The following ROBO2 variants were observed in gnomAD, a reference collection of about 807,000 sequenced individuals.
The protein encoded by ROBO2 is roundabout guidance receptor 2, also known as roundabout homolog 2.
Under a neutral mutation model 160.8 loss-of-function variants are expected in ROBO2, and 53 were observed. The ratio of observed to expected loss-of-function variants is 0.33; its 90% CI spans 0.26 to 0.41. The LOEUF (loss-of-function observed/expected upper bound fraction) is 0.41, where lower values mean the gene tolerates loss of function less well. ROBO2 is among the 10% of genes least tolerant of loss of function. The probability of loss-of-function intolerance (pLI) is 1.00; values close to 1 mark genes in which losing one functional copy is unlikely to be tolerated. For synonymous variants in ROBO2, 664 were observed against 611.7 expected (o/e 1.09, Z -1.26); for missense variants, 1,577 against 1,722.4 (o/e 0.92, Z 1.49).
At chr3:76,262,061 G>A (rs1706804170) in intron 2 of ROBO2, among the ~76,000 whole-genome samples, 1 of 152,088 alleles carries the variant, frequency 6.6e-6, no homozygotes, top group Admixed American at 6.6e-5. Context: ...GTGGTGGAAG[G>A]TGAATTGTCA....
chr3:77,274,092 G>A (rs1035606178), intron 2 of ROBO2, among the ~76,000 whole-genome samples: 1 of 151,798 alleles, frequency 6.6e-6, no homozygotes, highest in Non-Finnish European at 1.5e-5. Context: ...GACTTTACCT[G>A]TAGTTACTAG....
At chr3:76,062,372 G>T (rs1313745786) in intron 2 of ROBO2, among the ~76,000 whole-genome samples, 1 of 151,882 alleles carries the variant, frequency 6.6e-6, no homozygotes, top group East Asian at 1.9e-4. Flanking sequence ...GTTATGTGCT[G>T]TCCGACTACT....
intron 2 of ROBO2, among the ~76,000 whole-genome samples, chr3:76,268,920 C>A (rs1228671568): frequency 2.6e-5 from 4 of 152,108 alleles, no homozygotes. Flanking sequence ...CTTACTCCCA[C>A]ACACTATTTT....
At chr3:77,514,088 T>G (rs994888020) in intron 5 of ROBO2, among the ~76,000 whole-genome samples, 2 of 151,728 alleles carry the variant, frequency 1.3e-5, no homozygotes, top group Non-Finnish European at 2.9e-5. Context: ...CAATGATACC[T>G]TCTACATTGA....
intron 2 of ROBO2, among the ~76,000 whole-genome samples, chr3:76,580,342 G>GTTTTTTTTTTTTTTTTT (rs71101901): frequency 2.2e-5 from 2 of 90,560 alleles, no homozygotes; most frequent in Non-Finnish European, 4.1e-5. Flanking sequence ...TTTTTTTTGT[G>GTTTTTTTTTTTTTTTTT]TTTTTTTTTT....
chr3:76,679,569 A>G (rs1187587119), intron 2 of ROBO2, among the ~76,000 whole-genome samples: 1 of 152,154 alleles, frequency 6.6e-6, no homozygotes, highest in South Asian at 2.1e-4. Flanking sequence ...CTTGGAACCT[A>G]AATTTGGAAG....
chr3:76,563,280 C>A (rs2084312458), intron 2 of ROBO2, among the ~76,000 whole-genome samples: 1 of 152,104 alleles, frequency 6.6e-6, no homozygotes, highest in South Asian at 2.1e-4. Context: ...CTTAAGTAAT[C>A]TGTTTTAATA....
chr3:77,152,449 A>G (rs2077625931), intron 2 of ROBO2, among the ~76,000 whole-genome samples: 1 of 152,190 alleles, frequency 6.6e-6, no homozygotes, highest in Non-Finnish European at 1.5e-5. Flanking sequence ...AGCACATTTA[A>G]TTCTAACTAG....
chr3:77,215,789 T>C (rs1051030359), intron 2 of ROBO2, among the ~76,000 whole-genome samples: 1 of 152,162 alleles, frequency 6.6e-6, no homozygotes, highest in South Asian at 2.1e-4. Context: ...TGTTAGTTTT[T>C]CTTCTAACAG....
chr3:76,386,998 A>G (rs183865424), intron 2 of ROBO2, among the ~76,000 whole-genome samples: 1 of 152,288 alleles, frequency 6.6e-6, no homozygotes, highest in Admixed American at 6.5e-5. Context: ...AGGCTGAATA[A>G]TTTTATATGA....
chr3:75,987,999 T>C (rs929086748), intron 2 of ROBO2, among the ~76,000 whole-genome samples: 4 of 150,422 alleles, frequency 2.7e-5, no homozygotes, highest in African/African-American at 9.7e-5. Context: ...TGTTTTTTTG[T>C]TTTTTGCAAT....
At chr3:77,119,422 T>TA in intron 2 of ROBO2, among the ~76,000 whole-genome samples, 1 of 152,196 alleles carries the variant, frequency 6.6e-6, no homozygotes, top group Non-Finnish European at 1.5e-5. Context: ...GAAACATCAT[T>TA]ACATGGTGTA....
intron 2 of ROBO2, among the ~76,000 whole-genome samples, chr3:76,189,230 T>C (rs778638746): frequency 7.2e-5 from 11 of 152,104 alleles, no homozygotes; most frequent in Non-Finnish European, 1.6e-4. Flanking sequence ...GCTATGTTTC[T>C]GGTTTATTAA....
chr3:77,368,048 AT>A (rs2071184957), intron 2 of ROBO2, among the ~76,000 whole-genome samples: 1 of 152,102 alleles, frequency 6.6e-6, no homozygotes, highest in Non-Finnish European at 1.5e-5. Context: ...CCTTGTCTGA[AT>A]TTTCACATCA....
intron 2 of ROBO2, among the ~76,000 whole-genome samples, chr3:76,168,940 T>C (rs2072934263): frequency 6.6e-6 from 1 of 151,808 alleles, no homozygotes; most frequent in South Asian, 2.1e-4. Flanking sequence ...AAGGAGTTTA[T>C]ATAGATTATT....
chr3:75,978,929 C>G (rs1315505194), intron 2 of ROBO2, among the ~76,000 whole-genome samples: 2 of 151,330 alleles, frequency 1.3e-5, no homozygotes, highest in Non-Finnish European at 3.0e-5. Context: ...TCACTGGCTC[C>G]TCTCCCTCCA....
At chr3:77,325,440 T>G (rs2065281389) in intron 2 of ROBO2, among the ~76,000 whole-genome samples, 1 of 152,194 alleles carries the variant, frequency 6.6e-6, no homozygotes, top group African/African-American at 2.4e-5. Flanking sequence ...TTGACTGGAC[T>G]GACATTTCCT....
intron 2 of ROBO2, among the ~76,000 whole-genome samples, chr3:76,227,827 G>A (rs985565441): frequency 1.1e-4 from 16 of 152,130 alleles, no homozygotes; most frequent in African/African-American, 3.9e-4. Flanking sequence ...TATTGGAGAA[G>A]CACTGCTCTG....
intron 2 of ROBO2, among the ~76,000 whole-genome samples, chr3:76,141,159 C>CTCTCTCTCTA (rs1364431015): frequency 4.4e-4 from 4 of 9,174 alleles, no homozygotes; most frequent in Non-Finnish European, 7.2e-4. Flanking sequence ...CTCTCTCTCT[C>CTCTCTCTCTA]TATATATATA....
Sources: allele counts gnomAD v4.1 joint callset (sites outside exome capture counted in the v4.1 genomes callset), GRCh38; gene constraint gnomAD v4.1.1; transcripts MANE v1.5; gene names NCBI Gene and HGNC (gene_info 2026-07-23, HGNC 2026-07-21).